GOLGA3: variants seen among roughly 807,000 people sequenced by gnomAD.
The protein encoded by GOLGA3 is golgin A3.
In GOLGA3, 75 loss-of-function variants were observed where a neutral mutation model predicts 169.4. The observed-to-expected ratio is 0.44, with a 90% CI of 0.37 to 0.54. The LOEUF is 0.54. Ranked by LOEUF, GOLGA3 falls within the 20% of genes least tolerant of loss-of-function variation. The pLI, the probability that GOLGA3 is intolerant of heterozygous loss-of-function variation, is 0.00. For synonymous variants in GOLGA3, 824 were observed against 822.4 expected (o/e 1.00, Z -0.03); for missense variants, 1,899 against 1,930.0 (o/e 0.98, Z 0.30).
chr12:132,777,015 C>G lies in GOLGA3; in HGVS notation c.3798G>C (p.Gln1266His). The part of the protein sequence containing the change: ...AELAEARAQL[Q>H]LLQKQLDEQL... ...GCTCGTCCAGCTGCTTCTGCAGGAG[C>G]TGGAGCTGTGCCCGGGCCTCGGCCA... Residue 1266 changes from glutamine (Q) to histidine (H), a missense_variant, in exon 20 of 24, where the codon CAG becomes CAC. Gln to His is a conservative substitution (Grantham distance 24). Transcript: ENST00000450791. This position sits in a 1 kb window ranked among gnomAD's most constrained non-coding sequence, Gnocchi z 4.7. The G allele has an allele frequency of 1.2e-6, 2 of 1,611,794 alleles. No homozygotes were observed. Among genetic ancestry groups the G allele is most frequent in the Non-Finnish European group, 1.7e-6 (2 of 1,179,024 alleles).
rs563271313 is a variant in GOLGA3 at position 132,792,032 on chromosome 12, C to A, written c.2470-739G>T. On this transcript the variant is annotated intron_variant, in intron 11 of 23. Transcript: ENST00000450791. ...ATGTGCATGAATATTACACTGAGGG[C>A]TACAGCAGGGGGACACATCTACACA... Among the ~76,000 whole-genome samples the A allele has an allele frequency of 2.7e-3, 403 of 150,384 alleles. 1 individual carries two copies. The highest frequency in any genetic ancestry group is 3.3e-3 in the Non-Finnish European group (222 of 67,434).
At position 132,786,330 on chromosome 12, in the gene GOLGA3, G is replaced by A; in HGVS notation, c.3123+9C>T. 3 of 1,576,874 alleles carry A rather than the reference G, an allele frequency of 1.9e-6. No homozygotes were observed. The highest frequency in any genetic ancestry group is 2.2e-5 in the East Asian group (1 of 44,522). On this transcript the variant is annotated intron_variant, in intron 15 of 23. Transcript: ENST00000450791. The stretch of plus-strand genomic sequence containing the variant: ...TGACCCTGGCCGGGGATGGCACGGT[G>A]TTACCTACATGTAGAGCCAGGCTGC...
intron 4 of GOLGA3, among the ~76,000 whole-genome samples, chr12:132,812,965 G>C (rs1291956717): frequency 6.6e-6 from 1 of 152,192 alleles, no homozygotes; most frequent in Non-Finnish European, 1.5e-5. Context: ...GGGTACATCA[G>C]TTTTATTTAG....
Position 132,813,346 on chromosome 12 carries a change from C to T in GOLGA3, c.480G>A (p.Glu160=). Residue 160 remains glutamate (E), a synonymous_variant, in exon 4 of 24, where the codon GAG becomes GAA. Transcript: ENST00000450791. ...VRLQARKWLE[E]QLKQYRVKRQ... is the part of the protein sequence containing the mutation. ...GCTTCACCCTGTACTGTTTGAGCTG[C>T]TCTTCCAGCCACTTCCGAGCCTGAA... The T allele has an allele frequency of 6.2e-7, 1 of 1,613,398 alleles. No individual in the cohort carries two copies. The highest frequency in any genetic ancestry group is 1.7e-5 in the Admixed American group (1 of 59,992).
chr12:132,777,801 G>A lies in GOLGA3; in HGVS notation c.3587C>T (p.Ala1196Val). Residue 1196 changes from alanine (A) to valine (V), a missense_variant, in exon 19 of 24, where the codon GCT (alanine) becomes GTT (valine). Ala to Val is a moderately conservative substitution (Grantham distance 64). Coordinates refer to ENST00000450791, the MANE Select transcript of GOLGA3 (RefSeq NM_001389683.1). This position sits in a 1 kb window ranked among gnomAD's most constrained non-coding sequence, Gnocchi z 4.7. Reference sequence around the variant, plus strand: ...ATGCCCGGCTTCCACCTTGGCAGCAGCCACCTAGGAGGAAGGAAGCCACGT... The same window carrying A: ...ATGCCCGGCTTCCACCTTGGCAGCAACCACCTAGGAGGAAGGAAGCCACGT... ...EKVNSLKEQV[A>V]AAKVEAGHNR... 1 of 1,613,502 alleles carries A rather than the reference G, an allele frequency of 6.2e-7. No individual in the cohort carries two copies. Among genetic ancestry groups the A allele is most frequent in the Non-Finnish European group, 8.5e-7 (1 of 1,179,852 alleles).
rs200254047 is a variant in GOLGA3, at chr12:132,808,222, C to G, written c.847G>C (p.Val283Leu). ...LKQNRSSAAS[V>L]VSEISLSPDT... ...GGGGACAGGCTGATCTCAGACACAACGGACGCCGCACTGCTTCTGTTCTGC... is the reference window on the plus strand; with the variant it reads ...GGGGACAGGCTGATCTCAGACACAAGGGACGCCGCACTGCTTCTGTTCTGC... The change falls in exon 5 of 24, where the codon GTT (valine) becomes CTT (leucine). Residue 283 changes from valine (V) to leucine (L), a missense_variant. By Grantham distance (32) the Val-to-Leu change is conservative. Transcript: ENST00000450791. The G allele has an allele frequency of 1.2e-6, 2 of 1,613,796 alleles. No homozygotes were observed. Among genetic ancestry groups the G allele is most frequent in the Non-Finnish European group, 1.7e-6 (2 of 1,179,846 alleles).
chr12:132,782,970 A>G (rs1380997769), intron 16 of GOLGA3, among the ~76,000 whole-genome samples: 1 of 151,956 alleles, frequency 6.6e-6, no homozygotes, highest in Non-Finnish European at 1.5e-5. Flanking sequence ...CTGTAATCCC[A>G]GCACTTTGGG....
chr12:132,814,634 C>T (rs1288366840), intron 3 of GOLGA3, among the ~76,000 whole-genome samples: 2 of 152,194 alleles, frequency 1.3e-5, no homozygotes, highest in Non-Finnish European at 2.9e-5. Context: ...AAGGCTCTGG[C>T]GGTACTCAAA....
chr12:132,784,094 G>A (rs780435823), intron 16 of GOLGA3, 70 bp downstream of exon 16: 18 of 1,595,612 alleles, frequency 1.1e-5, no homozygotes, highest in South Asian at 4.4e-5. Context: ...CGGGTCTCAC[G>A]CGTGGCGGCA....
intron 9 of GOLGA3, 93 bp from the exon 10 acceptor site, chr12:132,796,793 C>CATGCCAGGGCAG: frequency 8.2e-7 from 1 of 1,219,910 alleles, no homozygotes; most frequent in Non-Finnish European, 1.2e-6. Context: ...ACCCACCGCC[C>CATGCCAGGGCAG]TGGCATGGGC....
At position 132,804,649 on chromosome 12, in the gene GOLGA3, C is replaced by T. The variant is rs1425135672; in HGVS notation, c.1597+67G>A. 24 of 1,350,572 alleles carry T rather than the reference C, an allele frequency of 1.8e-5. No individual in the cohort carries two copies. Among genetic ancestry groups the T allele is most frequent in the Admixed American group, 1.4e-4 (8 of 56,752 alleles). 83.7% of individuals were successfully genotyped at this position (1,350,572 alleles called of 1,614,324 possible). A position where few individuals can be genotyped will look rare whatever the true frequency, so the allele number is the denominator to read the frequency against. On this transcript the variant is annotated intron_variant, in intron 7 of 23. Coordinates refer to ENST00000450791, the MANE Select transcript of GOLGA3 (RefSeq NM_001389683.1). This position sits in a 1 kb window ranked among gnomAD's most constrained non-coding sequence, Gnocchi z 4.1. ...GGAGGAGGGCGTGGCGGGGGCCAGT[C>T]GAGGAAGGAGGAGGGAGCAGCAGGG...
In GOLGA3 at chr12:132,773,182, C is replaced by G; in HGVS notation, c.4420G>C (p.Gly1474Arg). ...TCGCCGCGTGGGCCGGCGTGACCCC[C>G]CGGGGGCACAGGGCTGGCAGTGGCT... is the stretch of plus-strand genomic sequence containing the variant. The part of the protein sequence containing the change: ...EPATASPVPP[G>R]GHAGPRGDPQ... Residue 1474 changes from glycine (G) to arginine (R), a missense_variant, in exon 24 of 24, where the codon GGG becomes CGG. Transcript: ENST00000450791. The G allele has an allele frequency of 1.3e-6, 2 of 1,587,204 alleles. 1 individual carries two copies.
chr12:132,781,720 G>T (rs1204108543), intron 17 of GOLGA3, among the ~76,000 whole-genome samples: 1 of 152,166 alleles, frequency 6.6e-6, no homozygotes. Context: ...TGGCCCCCAG[G>T]ATTTCCCTGA....
chr12:132,796,019 T>C lies in GOLGA3; in HGVS notation c.2302A>G (p.Ile768Val), dbSNP rs1948811701. The change falls in exon 11 of 24, where the codon ATC becomes GTC. Residue 768 changes from isoleucine to valine, a missense_variant. Ile to Val is a conservative substitution (Grantham distance 29). Transcript: ENST00000450791. ...QGEAASREDTICLLQNEKIIL... is the reference protein window; with the variant it reads ...QGEAASREDTVCLLQNEKIIL... Reference sequence around the variant, plus strand: ...ATCTTCTCGTTCTGCAGGAGGCAGATCGTGTCCTCCCTGGAGGCGGCCTCG... The same window carrying C: ...ATCTTCTCGTTCTGCAGGAGGCAGACCGTGTCCTCCCTGGAGGCGGCCTCG... The C allele has an allele frequency of 1.2e-6, 2 of 1,612,974 alleles. No individual in the cohort carries two copies. The highest frequency in any genetic ancestry group is 1.7e-6 in the Non-Finnish European group (2 of 1,180,020).
intron 9 of GOLGA3, among the ~76,000 whole-genome samples, chr12:132,798,120 T>C (rs1948949612): frequency 8.0e-6 from 1 of 124,484 alleles, no homozygotes; most frequent in Non-Finnish European, 1.6e-5. Flanking sequence ...TCCCAAAGCC[T>C]TAACGAGCAG....
rs11835002 is a variant in GOLGA3, at chr12:132,777,470, G to A, written c.3722+196C>T. ...TCCTGCTGGGGCGCTTTCTCTCTTG[G>A]GGGGAGGACACGGGGCAGTGAGTGA... On this transcript the variant is annotated intron_variant, in intron 19 of 23. Coordinates refer to ENST00000450791, the MANE Select transcript of GOLGA3 (RefSeq NM_001389683.1). This position sits in a 1 kb window ranked among gnomAD's most constrained non-coding sequence, Gnocchi z 4.7. 5.9e-5 allele frequency among the ~76,000 whole-genome samples: 9 copies of A among 152,160 alleles called. No homozygotes were observed. The highest frequency in any genetic ancestry group is 3.9e-4 in the Admixed American group (6 of 15,276).
intron 1 of GOLGA3, among the ~76,000 whole-genome samples, chr12:132,827,018 A>G (rs1950447170): frequency 1.3e-5 from 2 of 152,216 alleles, no homozygotes; most frequent in Admixed American, 1.3e-4. Context: ...CGAAAGGTAC[A>G]CACAACCCTA....
intron 22 of GOLGA3, 46 bp from the exon 23 acceptor site, chr12:132,774,366 C>G: frequency 6.2e-7 from 1 of 1,601,018 alleles, no homozygotes; most frequent in Non-Finnish European, 8.5e-7. Context: ...TCCCCTCCCT[C>G]GGGTCAGTCT....
Position 132,804,584 on chromosome 12 carries a change from T to C in GOLGA3, c.1597+132A>G. On this transcript the variant is annotated intron_variant, in intron 7 of 23. Coordinates refer to ENST00000450791, the MANE Select transcript of GOLGA3 (RefSeq NM_001389683.1). This position sits in a 1 kb window ranked among gnomAD's most constrained non-coding sequence, Gnocchi z 4.1. Reference sequence around the variant, plus strand: ...GGAAGGAGGGAGCAGCGGGGACCAGTCGAGGAAGGAGGAGGGAGCAGCAAG... The same window carrying C: ...GGAAGGAGGGAGCAGCGGGGACCAGCCGAGGAAGGAGGAGGGAGCAGCAAG... 1 of 711,488 alleles carries C rather than the reference T, an allele frequency of 1.4e-6. No homozygotes were observed. The highest frequency in any genetic ancestry group is 1.8e-5 in the South Asian group (1 of 56,986). 44.1% of individuals were successfully genotyped at this position (711,488 alleles called of 1,614,324 possible). A position where few individuals can be genotyped will look rare whatever the true frequency, so the allele number is the denominator to read the frequency against.
Sources: gnomAD v4.1 joint callset for allele counts (sites outside exome capture counted in the v4.1 genomes callset) on GRCh38, gnomAD v4.1.1 for gene constraint, Gnocchi (gnomAD v3.1) non-coding constraint, MANE v1.5 for transcripts, NCBI Gene and HGNC (gene_info 2026-07-23, HGNC 2026-07-21) for gene names.